SWT1: variants seen among roughly 807,000 people sequenced by gnomAD.
SWT1 encodes SWT1 RNA endoribonuclease homolog, also known as transcriptional protein SWT1.
A neutral mutation model predicts 107.3 loss-of-function variants in SWT1; 33 were observed. The ratio of observed to expected loss-of-function variants is 0.31; its 90% confidence interval spans 0.23 to 0.41. The LOEUF (loss-of-function observed/expected upper bound fraction) is 0.41, where lower values mean the gene tolerates loss of function less well. Ranked by LOEUF, SWT1 falls within the 10% of genes least tolerant of loss-of-function variation. SWT1 has a pLI of 1.00. For synonymous variants in SWT1, 345 were observed against 348.3 expected (o/e 0.99, Z 0.11); for missense variants, 898 against 1,028.9 (o/e 0.87, Z 1.74).
chr1:185,221,477 A>G (rs541316983), intron 14 of SWT1, among the ~76,000 whole-genome samples: 11 of 151,528 alleles, frequency 7.3e-5, no homozygotes, highest in Non-Finnish European at 1.6e-4. Context: ...AGCCCTTTAC[A>G]TTTTCTTAAA....
intron 16 of SWT1, among the ~76,000 whole-genome samples, chr1:185,262,728 C>T (rs983585703): frequency 2.0e-5 from 3 of 151,906 alleles, no homozygotes; most frequent in African/African-American, 2.4e-5. Context: ...GCTGACTCTT[C>T]ATGTGATTGT....
intron 18 of SWT1, among the ~76,000 whole-genome samples, chr1:185,283,634 G>A (rs879322572): frequency 1.3e-5 from 2 of 151,986 alleles, no homozygotes; most frequent in Non-Finnish European, 2.9e-5. Flanking sequence ...TGTATGAGAC[G>A]GATACCAAAC....
intron 13 of SWT1, among the ~76,000 whole-genome samples, chr1:185,208,111 C>T (rs1376531324): frequency 6.6e-6 from 1 of 151,916 alleles, no homozygotes; most frequent in African/African-American, 2.4e-5. Context: ...ATTAAAGGCA[C>T]CAAGGCCAGA....
chr1:185,263,748 C>T (rs886151409), intron 16 of SWT1: 1 of 152,086 alleles, frequency 6.6e-6, no homozygotes, highest in African/African-American at 2.4e-5. Context: ...ATAGATTGAC[C>T]CAAAGTCACA....
intron 4 of SWT1, chr1:185,171,590 C>T (rs552737399): frequency 4.1e-6 from 2 of 486,072 alleles, no homozygotes; most frequent in South Asian, 3.1e-5. Context: ...GCAAAAACTG[C>T]TCAAAATTGG....
At chr1:185,244,211 T>G (rs1661445846) in intron 16 of SWT1, among the ~76,000 whole-genome samples, 1 of 152,184 alleles carries the variant, frequency 6.6e-6, no homozygotes, top group African/African-American at 2.4e-5. Flanking sequence ...GTGCTGGGAT[T>G]ACAGATGTGA....
At chr1:185,166,704 C>T (rs746128212) in intron 3 of SWT1, 52 bp downstream of exon 3, 7 of 1,183,772 alleles carry the variant, frequency 5.9e-6, no homozygotes, top group South Asian at 5.5e-5. Context: ...AAGTTTTAAT[C>T]GACAGTGTTT....
intron 15 of SWT1, among the ~76,000 whole-genome samples, chr1:185,225,677 T>C (rs1458861974): frequency 6.6e-6 from 1 of 152,172 alleles, no homozygotes; most frequent in African/African-American, 2.4e-5. Context: ...GGCTATACCA[T>C]ACAGCCTAGA....
Position 185,221,968 on chromosome 1 carries a change from C to T in SWT1, c.2241C>T (p.Pro747=), listed in dbSNP as rs745990118. 2.5e-6 allele frequency: 4 copies of T among 1,612,716 alleles called. No homozygotes were observed. The highest frequency in any genetic ancestry group is 1.7e-6 in the Non-Finnish European group (2 of 1,179,408). Residue 747 remains proline (P), a synonymous_variant, in exon 15 of 19, where the codon CCC becomes CCT. Transcript: ENST00000367500. Reference sequence around the variant, plus strand: ...CTGTTTTCTCGAGTTCTCATCTTCCCCAACCCAGCAGGCATCAAGAAATCT... The same window carrying T: ...CTGTTTTCTCGAGTTCTCATCTTCCTCAACCCAGCAGGCATCAAGAAATCT... ...EITVFSSSHL[P]QPSRHQEIWS... is the part of the protein sequence containing the mutation.
chr1:185,280,058 G>A (rs1386866968), intron 18 of SWT1, among the ~76,000 whole-genome samples: 1 of 152,106 alleles, frequency 6.6e-6, no homozygotes, highest in Non-Finnish European at 1.5e-5. Context: ...ATCTTGAATT[G>A]TAATCCCTAT....
intron 16 of SWT1, chr1:185,251,265 A>G (rs1204426376): frequency 6.6e-6 from 1 of 152,398 alleles, no homozygotes; most frequent in Non-Finnish European, 1.5e-5. Flanking sequence ...TTTACTTTTT[A>G]TAAAGCTACA....
chr1:185,216,675 G>A (rs1459121399), intron 14 of SWT1, among the ~76,000 whole-genome samples: 3 of 152,092 alleles, frequency 2.0e-5, no homozygotes, highest in Non-Finnish European at 4.4e-5. Context: ...GACTTGACTG[G>A]GCATGGTGGT....
intron 15 of SWT1, chr1:185,227,144 A>G (rs570584652): frequency 5.4e-5 from 66 of 1,211,298 alleles, no homozygotes; most frequent in Non-Finnish European, 7.5e-5. Context: ...CCTTGCTTTC[A>G]GAATCATAAC....
chr1:185,162,393 C>T (rs771207213), intron 2 of SWT1, among the ~76,000 whole-genome samples: 4 of 152,138 alleles, frequency 2.6e-5, no homozygotes, highest in Admixed American at 1.3e-4. Flanking sequence ...TTGTTTTTCT[C>T]TGAGTCTGCT....
chr1:185,214,629 A>G lies in SWT1; in HGVS notation c.2095A>G (p.Asn699Asp). 1 of 1,610,986 alleles carries G rather than the reference A, an allele frequency of 6.2e-7. No homozygotes were observed. Among genetic ancestry groups the G allele is most frequent in the Non-Finnish European group, 8.5e-7 (1 of 1,178,680 alleles). ...GILPQTFAQV[N>D]NLLQTFAEVK... is the part of the protein sequence containing the mutation. ...TCTTCCACAGACCTTTGCTCAAGTA[A>G]ACAACCTCCTTCAGACATTTGCAGA... Residue 699 changes from asparagine to aspartate, a missense_variant, in exon 14 of 19, where the codon AAC becomes GAC. Asn to Asp is a conservative substitution (Grantham distance 23). Around this residue, in one of 6 missense-constraint regions of SWT1, gnomAD observed 382 missense variants for 460.0 expected, o/e 0.83. Transcript: ENST00000367500.
chr1:185,172,320 C>T (rs1655144609), intron 4 of SWT1, among the ~76,000 whole-genome samples: 1 of 152,118 alleles, frequency 6.6e-6, no homozygotes, highest in African/African-American at 2.4e-5. Context: ...GATGTTGAGA[C>T]CATATTATAT....
chr1:185,213,973 G>A (rs1289788290), intron 13 of SWT1, among the ~76,000 whole-genome samples: 2 of 152,044 alleles, frequency 1.3e-5, no homozygotes, highest in Admixed American at 6.6e-5. Flanking sequence ...TTTCTCTCCT[G>A]AAGTTGTGTT....
At chr1:185,195,280 G>C (rs563779549) in intron 10 of SWT1, among the ~76,000 whole-genome samples, 2 of 152,164 alleles carry the variant, frequency 1.3e-5, no homozygotes, top group South Asian at 4.2e-4. Flanking sequence ...TAGTTTGCTG[G>C]GGATGATGGC....
chr1:185,227,071 A>G, intron 15 of SWT1: 1 of 1,016,054 alleles, frequency 9.8e-7, no homozygotes. Flanking sequence ...TCCATTAAAT[A>G]GCACATGTAA....
Sources: gnomAD v4.1 joint callset for allele counts (sites outside exome capture counted in the v4.1 genomes callset) on GRCh38, gnomAD v4.1.1 for gene constraint, gnomAD v4.1.1 regional missense constraint, MANE v1.5 for transcripts, NCBI Gene and HGNC (gene_info 2026-07-23, HGNC 2026-07-21) for gene names.